The following HGFAC variants were observed in gnomAD, a reference collection of about 807,000 sequenced individuals.
HGFAC encodes the protein HGF activator, also known as hepatocyte growth factor activator serine protease.
A neutral mutation model predicts 70.6 loss-of-function variants in HGFAC; 76 were observed. The ratio of observed to expected loss-of-function variants is 1.08; its 90% CI spans 0.89 to 1.30. HGFAC has a LOEUF of 1.30. Among genes scored for constraint, HGFAC ranks in the 50% most tolerant of loss-of-function variants. HGFAC has a pLI of 0.00. For missense variants in HGFAC, 1,044 were observed against 933.7 expected (o/e 1.12, Z -1.54); for synonymous variants, 464 against 405.3 (o/e 1.14, Z -1.74).
At chr4:3,449,114 A>G in intron 13 of HGFAC, 123 bp from the exon 14 acceptor site, 1 of 845,220 alleles carries the variant, frequency 1.2e-6, no homozygotes, top group South Asian at 1.7e-5. Flanking sequence ...GGTTCAGGAG[A>G]GTGGATCAGC....
chr4:3,448,784 G>A (rs539326661), intron 13 of HGFAC, among the ~76,000 whole-genome samples: 18 of 152,270 alleles, frequency 1.2e-4, no homozygotes, highest in Admixed American at 3.3e-4. Context: ...TGAGCCCCAG[G>A]CAGTCAATTC....
At chr4:3,443,452 C>T (rs113221089) in intron 4 of HGFAC, 32 bp downstream of exon 4, 205,197 of 1,363,778 alleles carry the variant, frequency 0.15, 17,350 homozygotes, top group Non-Finnish European at 0.17. Context: ...CTGGGGCGGG[C>T]AGGGGGCACT....
rs746976598 is a variant in HGFAC at position 3,444,969 on chromosome 4, G to C, written c.992G>C (p.Gly331Ala). 1.9e-6 allele frequency: 3 copies of C among 1,599,906 alleles called. No homozygotes were observed. Among genetic ancestry groups the C allele is most frequent in the Non-Finnish European group, 1.7e-6 (2 of 1,174,926 alleles). Residue 331 changes from glycine to alanine, a missense_variant, in exon 8 of 14, where the codon GGC (glycine) becomes GCC (alanine). Gly to Ala is a moderately conservative substitution (Grantham distance 60). Coordinates refer to ENST00000382774, the MANE Select transcript of HGFAC (RefSeq NM_001528.4). ...TCCGTGGGCGCCGCGGCCCTGCTGG[G>C]CCTGGGCCCCCATGCCTACTGCCGG... ...VDSVGAAALL[G>A]LGPHAYCRNP...
chr4:3,443,243 G>A, intron 3 of HGFAC, 97 bp downstream of exon 3: 1 of 1,294,096 alleles, frequency 7.7e-7, no homozygotes, highest in East Asian at 2.6e-5. Context: ...TCACCACGCA[G>A]CAGGCGGACC....
upstream of HGFAC, chr4:3,441,792 G>A (rs79585318): frequency 8.6e-3 from 4,269 of 498,682 alleles, 26 homozygotes; most frequent in Non-Finnish European, 0.01. This position sits in a 1 kb window ranked among gnomAD's most constrained non-coding sequence, Gnocchi z 6.0. Flanking sequence ...AGTGCAGGCC[G>A]AGGCCAGAGA....
chr4:3,447,375 C>T lies in HGFAC; in HGVS notation c.1356-117C>T, dbSNP rs555995655. The T allele has an allele frequency of 1.4e-3, 1,667 of 1,177,368 alleles. 13 individuals are homozygous for T. Among genetic ancestry groups the T allele is most frequent in the Non-Finnish European group, 5.2e-4 (428 of 815,418 alleles). The allele number at this position is 1,177,368 out of a possible 1,614,324, so 72.9% of individuals were successfully genotyped here. ...CACCCAGGCACCTGCTCAGACCCCT[C>T]CCCGGGACCAGGGTCCCACACCATT... is the stretch of plus-strand genomic sequence containing the variant. On this transcript the variant is annotated intron_variant, in intron 10 of 13. Coordinates refer to ENST00000382774, the MANE Select transcript of HGFAC (RefSeq NM_001528.4).
chr4:3,448,149 C>T lies in HGFAC; in HGVS notation c.1658C>T (p.Ser553Phe). The T allele has an allele frequency of 1.9e-6, 3 of 1,596,382 alleles. No homozygotes were observed. The highest frequency in any genetic ancestry group is 1.1e-5 in the South Asian group (1 of 88,714). ...LDENVSGYSS[S>F]LREALVPLVA... The stretch of plus-strand genomic sequence containing the variant: ...ACAGACGTGAGCGGCTACTCCAGCT[C>T]CCTGCGGGAGGCCCTGGTCCCCCTG... The change falls in exon 13 of 14, where the codon TCC (serine) becomes TTC (phenylalanine). Residue 553 changes from serine (S) to phenylalanine (F), a missense_variant. Transcript: ENST00000382774.
chr4:3,441,043 C>T (rs977065872), upstream of HGFAC, among the ~76,000 whole-genome samples: 3 of 152,102 alleles, frequency 2.0e-5, no homozygotes, highest in Non-Finnish European at 4.4e-5. This position sits in a 1 kb window ranked among gnomAD's most constrained non-coding sequence, Gnocchi z 6.0. Context: ...CCTCGGCAGC[C>T]CTGGGATGTC....
chr4:3,446,882 C>T (rs979291565), intron 10 of HGFAC, among the ~76,000 whole-genome samples: 5 of 152,182 alleles, frequency 3.3e-5, no homozygotes, highest in South Asian at 2.1e-4. Context: ...GGCGGCCTTT[C>T]GAGGACCACA....
Position 3,442,092 on chromosome 4 carries a change from C to A in HGFAC, c.91C>A (p.Arg31=). 1 of 1,560,030 alleles carries A rather than the reference C, an allele frequency of 6.4e-7. No homozygotes were observed. The highest frequency in any genetic ancestry group is 1.2e-5 in the South Asian group (1 of 85,066). Residue 31 remains arginine, a synonymous_variant, in exon 1 of 14, where the codon CGG becomes AGG. Transcript: ENST00000382774. ...LLLLLLLLLP[R]GFQPQPGGNR... Reference sequence around the variant, plus strand: ...CCTCCTGCTGCTGCTGCTGCTGCCACGGGGGTTCCAGCCCCAGCCTGGCGG... The same window carrying A: ...CCTCCTGCTGCTGCTGCTGCTGCCAAGGGGGTTCCAGCCCCAGCCTGGCGG...
intron 10 of HGFAC, 59 bp from the exon 11 acceptor site, chr4:3,447,433 G>C (rs563671097): frequency 6.3e-7 from 1 of 1,597,206 alleles, no homozygotes; most frequent in African/African-American, 1.3e-5. Flanking sequence ...GGTGGGGAGA[G>C]GTGAGCCCGG....
At chr4:3,443,021 G>C (rs1486765702) in intron 2 of HGFAC, 29 bp from the exon 3 acceptor site, 3 of 1,566,942 alleles carry the variant, frequency 1.9e-6, no homozygotes, top group Non-Finnish European at 1.7e-6. Flanking sequence ...CCTCGAGGGA[G>C]CCCTGACCCT....
chr4:3,442,447 C>T (rs1379248898), intron 1 of HGFAC, among the ~76,000 whole-genome samples: 2 of 152,168 alleles, frequency 1.3e-5, no homozygotes. Flanking sequence ...CTCCCAGGGC[C>T]TCCTAGCTGC....
At chr4:3,443,494 G>C (rs1021066237) in intron 4 of HGFAC, 74 bp downstream of exon 4, 6 of 920,712 alleles carry the variant, frequency 6.5e-6, no homozygotes, top group Non-Finnish European at 9.2e-6. Context: ...GGGGAGGATG[G>C]GGCGGACCCG....
upstream of HGFAC, chr4:3,441,928 A>T: frequency 1.2e-6 from 1 of 833,996 alleles, no homozygotes; most frequent in Non-Finnish European, 1.8e-6. This position sits in a 1 kb window ranked among gnomAD's most constrained non-coding sequence, Gnocchi z 6.0. Flanking sequence ...AATCATTTCC[A>T]CGAAGCCTTG....
At chr4:3,445,154 C>T (rs1409311563) in intron 8 of HGFAC, 111 bp from the exon 9 acceptor site, 2 of 1,291,616 alleles carry the variant, frequency 1.5e-6, no homozygotes, top group Non-Finnish European at 2.2e-6. Flanking sequence ...CACTCTCTTC[C>T]CACTGCTCCA....
chr4:3,442,634 C>A, intron 1 of HGFAC, 98 bp from the exon 2 acceptor site: 1 of 869,668 alleles, frequency 1.1e-6, no homozygotes, highest in Non-Finnish European at 1.7e-6. Flanking sequence ...GATCTGGGGG[C>A]CCCAGTATGG....
chr4:3,448,735 C>T (rs928729647), intron 13 of HGFAC, among the ~76,000 whole-genome samples: 2 of 152,206 alleles, frequency 1.3e-5, no homozygotes, highest in Admixed American at 6.5e-5. Context: ...CCCTGGCATG[C>T]GACGGCTCTC....
intron 8 of HGFAC, 96 bp from the exon 9 acceptor site, chr4:3,445,169 C>A: frequency 7.7e-7 from 1 of 1,306,640 alleles, no homozygotes; most frequent in Non-Finnish European, 1.1e-6. Context: ...GCTCCAGGTG[C>A]GGGGAACCGC....
Sources: allele counts gnomAD v4.1 joint callset (sites outside exome capture counted in the v4.1 genomes callset), GRCh38; gene constraint gnomAD v4.1.1; non-coding constraint Gnocchi (gnomAD v3.1); transcripts MANE v1.5; gene names NCBI Gene and HGNC (gene_info 2026-07-23, HGNC 2026-07-21).